Variants in THSD4 observed in about 807,000 individuals in gnomAD.
The protein encoded by THSD4 is thrombospondin type 1 domain containing 4, also known as thrombospondin type-1 domain-containing protein 4.
THSD4 carries 69 observed loss-of-function variants against 119.0 expected under a neutral mutation model. The ratio of observed to expected loss-of-function variants is 0.58; its 90% CI spans 0.48 to 0.71. THSD4 has a LOEUF of 0.71. THSD4 is among the 30% of genes least tolerant of loss of function. The pLI is 0.00. For synonymous variants in THSD4, 524 were observed against 540.4 expected, an observed-to-expected ratio of 0.97 and a Z score of 0.42; for missense variants, 1,393 against 1,391.1, an observed-to-expected ratio of 1.00 and a Z score of -0.02.
chr15:71,503,488 C>T (rs1273782195), intron 7 of THSD4, among the ~76,000 whole-genome samples: 1 of 152,184 alleles, frequency 6.6e-6, no homozygotes, highest in Non-Finnish European at 1.5e-5. Flanking sequence ...TAGAGCTGTT[C>T]CACCTTGGGA....
intron 8 of THSD4, 72 bp downstream of exon 8, chr15:71,660,806 T>TA: frequency 6.4e-7 from 1 of 1,558,144 alleles, no homozygotes. Flanking sequence ...AACTGTGAGA[T>TA]AGACACAGCA....
chr15:71,597,405 A>G (rs1011487997), intron 7 of THSD4, among the ~76,000 whole-genome samples: 1 of 152,220 alleles, frequency 6.6e-6, no homozygotes, highest in East Asian at 1.9e-4. Flanking sequence ...ATATGTGTGT[A>G]TATATACCAA....
At chr15:71,214,245 G>A (rs529316207) in intron 3 of THSD4, among the ~76,000 whole-genome samples, 34 of 149,350 alleles carry the variant, frequency 2.3e-4, no homozygotes, top group Non-Finnish European at 4.4e-4. Flanking sequence ...CTGGCGACCC[G>A]CCCCACTCCC....
At chr15:71,184,523 G>A (rs770368989) in intron 3 of THSD4, among the ~76,000 whole-genome samples, 1 of 151,728 alleles carries the variant, frequency 6.6e-6, no homozygotes, top group Non-Finnish European at 1.5e-5. Context: ...AACTTTTCAC[G>A]TTTACCATCT....
intron 6 of THSD4, among the ~76,000 whole-genome samples, chr15:71,362,556 A>G (rs1420460504): frequency 1.3e-5 from 2 of 152,234 alleles, no homozygotes; most frequent in African/African-American, 4.8e-5. Flanking sequence ...TGAAAATAAA[A>G]TTGGAAGCAA....
chr15:71,255,591 G>C (rs1055258303), intron 5 of THSD4, among the ~76,000 whole-genome samples: 3 of 152,148 alleles, frequency 2.0e-5, no homozygotes, highest in Non-Finnish European at 2.9e-5. Context: ...TGATTGTTTT[G>C]CATGCAGAAG....
chr15:71,593,915 C>CG (rs1459187120), intron 7 of THSD4, among the ~76,000 whole-genome samples: 51 of 150,308 alleles, frequency 3.4e-4, no homozygotes, highest in Non-Finnish European at 1.5e-4. Context: ...CCTTCCCACC[C>CG]CCCCGGCAAA....
chr15:71,628,956 A>G (rs896431359), intron 7 of THSD4, among the ~76,000 whole-genome samples: 22 of 152,190 alleles, frequency 1.4e-4, no homozygotes, highest in Admixed American at 1.4e-3. Context: ...GGTGAGCTGG[A>G]GACTGTTCTA....
At chr15:71,435,214 C>A (rs987404207) in intron 7 of THSD4, among the ~76,000 whole-genome samples, 7 of 152,028 alleles carry the variant, frequency 4.6e-5, no homozygotes, top group African/African-American at 1.7e-4. Context: ...GACTGGTTCT[C>A]TGACTGGGAA....
In THSD4 at chr15:71,782,726, A is replaced by G. The variant is rs986543003; in HGVS notation, c.*5352A>G. 6.6e-6 allele frequency: 1 copy of G among 152,182 alleles called. No homozygotes were observed. The highest frequency in any genetic ancestry group is 1.5e-5 in the Non-Finnish European group (1 of 68,030). 9.4% of individuals were successfully genotyped at this position (152,182 alleles called of 1,614,324 possible). A position where few individuals can be genotyped will look rare whatever the true frequency, so the allele number is the denominator to read the frequency against. ...CCCTGAGGTTTAAGATCAAATATAA[A>G]TTACTCTGCTTTTCGACTCATTCAG... On this transcript the variant is annotated 3_prime_UTR_variant, in exon 18 of 18. Coordinates refer to ENST00000261862, the MANE Select transcript of THSD4 (RefSeq NM_024817.3).
In THSD4 at chr15:71,393,338, C is replaced by G. The variant is rs112896041; in HGVS notation, c.1016-18349C>G. Among the ~76,000 whole-genome samples the G allele has an allele frequency of 3.7e-3, 567 of 152,146 alleles. 4 individuals carry two copies. Among genetic ancestry groups the G allele is most frequent in the Non-Finnish European group, 5.7e-3 (390 of 68,004 alleles). Reference sequence around the variant, plus strand: ...GCCTGAATGGGATGAATGAATGAGGCTGGCAAGTTTCTTCAGGGTCACAGT... The same window carrying G: ...GCCTGAATGGGATGAATGAATGAGGGTGGCAAGTTTCTTCAGGGTCACAGT... On this transcript the variant is annotated intron_variant, in intron 6 of 17. Coordinates refer to ENST00000261862, the MANE Select transcript of THSD4 (RefSeq NM_024817.3).
intron 1 of THSD4, among the ~76,000 whole-genome samples, chr15:71,117,932 A>G (rs1306816330): frequency 1.3e-5 from 2 of 152,208 alleles, no homozygotes; most frequent in Non-Finnish European, 2.9e-5. Flanking sequence ...CAGATGATAA[A>G]TAACCACCCA....
chr15:71,764,882 T>A lies in THSD4; in HGVS notation c.2590-138T>A, dbSNP rs911625357. On this transcript the variant is annotated intron_variant, in intron 15 of 17. Coordinates refer to ENST00000261862, the MANE Select transcript of THSD4 (RefSeq NM_024817.3). Reference sequence around the variant, plus strand: ...TATGCCATTTCTCCTCCAGAAACATTTCCAAGTTCTCCTGGGTTCTTCCTC... The same window carrying A: ...TATGCCATTTCTCCTCCAGAAACATATCCAAGTTCTCCTGGGTTCTTCCTC... 11 of 1,123,164 alleles carry A rather than the reference T, an allele frequency of 9.8e-6. No individual in the cohort carries two copies. The African/African-American group carries it at 1.7e-4, about 18-fold the overall frequency. 69.6% of individuals were successfully genotyped at this position (1,123,164 alleles called of 1,614,324 possible). A position where few individuals can be genotyped will look rare whatever the true frequency, so the allele number is the denominator to read the frequency against.
intron 7 of THSD4, among the ~76,000 whole-genome samples, chr15:71,480,748 T>C (rs2047718005): frequency 6.6e-6 from 1 of 152,212 alleles, no homozygotes; most frequent in Non-Finnish European, 1.5e-5. Context: ...GTCACAAATA[T>C]TCCATTGGCC....
At chr15:71,774,119 C>T (rs1389951183) in intron 17 of THSD4, among the ~76,000 whole-genome samples, 1 of 152,058 alleles carries the variant, frequency 6.6e-6, no homozygotes, top group Non-Finnish European at 1.5e-5. Context: ...TGAGACCAGC[C>T]TGGGCAACAT....
intron 17 of THSD4, among the ~76,000 whole-genome samples, chr15:71,773,078 A>G (rs1275238767): frequency 6.6e-6 from 1 of 151,842 alleles, no homozygotes; most frequent in Non-Finnish European, 1.5e-5. Flanking sequence ...GGGCATGCCC[A>G]TGGTCCCGGC....
At chr15:71,279,740 G>A (rs916256312) in intron 6 of THSD4, among the ~76,000 whole-genome samples, 6 of 151,588 alleles carry the variant, frequency 4.0e-5, no homozygotes, top group Admixed American at 2.6e-4. Flanking sequence ...CTGGACAAGC[G>A]AATTCGAGTT....
chr15:71,514,843 C>G (rs1186039615), intron 7 of THSD4, among the ~76,000 whole-genome samples: 2 of 152,114 alleles, frequency 1.3e-5, no homozygotes, highest in African/African-American at 4.8e-5. Flanking sequence ...GAACATTTCT[C>G]TCTATCAGAG....
In THSD4 at chr15:71,754,079, CTT is replaced by C. The variant is rs5813663; in HGVS notation, c.2416-3804_2416-3803del. On this transcript the variant is annotated intron_variant, in intron 14 of 17. Transcript: ENST00000261862. ...ACTGAAATTCTGTTTACCTTTTATT[CTT>C]TTTTTTTTTTTTTTTTTTGAGATGG... Among the ~76,000 whole-genome samples the C allele has an allele frequency of 5.1e-3, 427 of 84,330 alleles. 1 individual carries two copies. The highest frequency in any genetic ancestry group is 7.6e-3 in the African/African-American group (182 of 24,098). 55.3% of individuals were successfully genotyped at this position (84,330 alleles called of 152,430 possible).
Sources: allele counts gnomAD v4.1 joint callset (sites outside exome capture counted in the v4.1 genomes callset), GRCh38; gene constraint gnomAD v4.1.1; transcripts MANE v1.5; gene names NCBI Gene and HGNC (gene_info 2026-07-23, HGNC 2026-07-21).